ABTB3: variants seen among roughly 807,000 people sequenced by gnomAD.
The protein encoded by ABTB3 is ankyrin repeat- and BTB/POZ domain-containing protein 3.
At chr12:107,542,379 T>G in the ABTB3 span, among the ~76,000 whole-genome samples, 357 of 151,956 alleles carry the variant, frequency 2.3e-3, 2 homozygotes, top group African/African-American at 8.1e-3. Flanking sequence ...CAACATATTC[T>G]GGTGTGCATG....
chr12:107,405,323 G>A, the ABTB3 span, among the ~76,000 whole-genome samples: 1 of 152,242 alleles, frequency 6.6e-6, no homozygotes, highest in East Asian at 1.9e-4. Flanking sequence ...TTAGAGCAGT[G>A]TTACCTTGGC....
At chr12:107,657,443 A>G in the ABTB3 span, 4 of 1,353,992 alleles carry the variant, frequency 3.0e-6, no homozygotes, top group South Asian at 4.7e-5. Context: ...TTAGCTCTGA[A>G]GGCATAATCT....
At chr12:107,391,323 T>C in the ABTB3 span, among the ~76,000 whole-genome samples, 1 of 152,196 alleles carries the variant, frequency 6.6e-6, no homozygotes, top group Non-Finnish European at 1.5e-5. Flanking sequence ...ATTCCAATTA[T>C]GTGCATTCTG....
At chr12:107,476,593 C>T in the ABTB3 span, among the ~76,000 whole-genome samples, 1 of 152,068 alleles carries the variant, frequency 6.6e-6, no homozygotes, top group South Asian at 2.1e-4. Context: ...ACCTCTGGGA[C>T]ACCTGACCCT....
chr12:107,537,551 T>C, the ABTB3 span, among the ~76,000 whole-genome samples: 1 of 152,182 alleles, frequency 6.6e-6, no homozygotes, highest in Non-Finnish European at 1.5e-5. Flanking sequence ...ATAGAATTGC[T>C]TCTCAGGTCT....
chr12:107,614,277 C>T, the ABTB3 span, among the ~76,000 whole-genome samples: 25 of 152,118 alleles, frequency 1.6e-4, no homozygotes, highest in Admixed American at 1.2e-3. Context: ...CCTGAAAGAC[C>T]AATCTCAGAT....
the ABTB3 span, among the ~76,000 whole-genome samples, chr12:107,634,597 C>G: frequency 6.6e-6 from 1 of 152,246 alleles, no homozygotes; most frequent in East Asian, 1.9e-4. Context: ...ACACCTGAAG[C>G]TGGAGGGAGA....
the ABTB3 span, among the ~76,000 whole-genome samples, chr12:107,386,507 C>A: frequency 0.91 from 138,753 of 152,290 alleles, 63,280 homozygotes; most frequent in East Asian, 0.97. Context: ...ACTGTAAAGC[C>A]GTCAACAGAA....
chr12:107,469,428 T>G, the ABTB3 span, among the ~76,000 whole-genome samples: 2 of 152,224 alleles, frequency 1.3e-5, no homozygotes, highest in East Asian at 3.9e-4. Flanking sequence ...GTCCAGCCTT[T>G]CTGAGAGTTG....
At chr12:107,457,151 C>T in the ABTB3 span, among the ~76,000 whole-genome samples, 5 of 152,222 alleles carry the variant, frequency 3.3e-5, no homozygotes, top group Admixed American at 2.0e-4. Flanking sequence ...CGTAAGCCAC[C>T]GTGCTCGGCC....
chr12:107,610,263 G>A, the ABTB3 span: 1 of 1,614,172 alleles, frequency 6.2e-7, no homozygotes. Context: ...GCAGGACCTG[G>A]GTTTCCGGAT....
the ABTB3 span, among the ~76,000 whole-genome samples, chr12:107,466,112 G>A: frequency 2.0e-5 from 3 of 152,088 alleles, no homozygotes; most frequent in Admixed American, 6.5e-5. Flanking sequence ...GGGTGGATGC[G>A]CTTGCTTTGG....
chr12:107,402,716 T>C, the ABTB3 span, among the ~76,000 whole-genome samples: 3 of 152,082 alleles, frequency 2.0e-5, no homozygotes, highest in Admixed American at 6.5e-5. Context: ...TGGTGGGAGG[T>C]TGTGGGCCTG....
the ABTB3 span, among the ~76,000 whole-genome samples, chr12:107,552,486 C>G: frequency 6.6e-6 from 1 of 152,168 alleles, no homozygotes; most frequent in African/African-American, 2.4e-5. Flanking sequence ...CATACAACAG[C>G]TTTTGGTTGT....
the ABTB3 span, chr12:107,657,838 C>A: frequency 2.1e-6 from 2 of 937,806 alleles, no homozygotes; most frequent in South Asian, 3.1e-5. Flanking sequence ...GGAGCTGCCT[C>A]TACTGCTCCC....
chr12:107,550,818 A>G, the ABTB3 span, among the ~76,000 whole-genome samples: 4 of 152,096 alleles, frequency 2.6e-5, no homozygotes, highest in Admixed American at 2.0e-4. Context: ...CCTGACCTCA[A>G]GTGATCCGCC....
chr12:107,637,786 T>TGTGTGTG, the ABTB3 span, among the ~76,000 whole-genome samples: 4 of 144,652 alleles, frequency 2.8e-5, no homozygotes, highest in African/African-American at 1.0e-4. Context: ...AGCACTGATT[T>TGTGTGTG]TGTGTGTGTG....
chr12:107,425,494 G>A, the ABTB3 span, among the ~76,000 whole-genome samples: 1 of 152,028 alleles, frequency 6.6e-6, no homozygotes, highest in African/African-American at 2.4e-5. Context: ...GTTAATTTTT[G>A]TATTATATGA....
the ABTB3 span, among the ~76,000 whole-genome samples, chr12:107,614,572 C>G: frequency 0.066 from 10,094 of 152,150 alleles, 448 homozygotes; most frequent in Admixed American, 0.095. Flanking sequence ...CTGTAGCTCC[C>G]AGAACCACCA....
Sources: allele counts gnomAD v4.1 joint callset (sites outside exome capture counted in the v4.1 genomes callset), GRCh38; gene constraint gnomAD v4.1.1; transcripts MANE v1.5; gene names NCBI Gene and HGNC (gene_info 2026-07-23, HGNC 2026-07-21).